LMCD1: variants seen among roughly 807,000 people sequenced by gnomAD.
LMCD1 encodes LIM and cysteine rich domains 1, also known as LIM and cysteine-rich domains protein 1.
Under a neutral mutation model 42.7 loss-of-function variants are expected in LMCD1, and 32 were observed. The observed-to-expected ratio is 0.75, with a 90% confidence interval of 0.57 to 1.01. The LOEUF is 1.01. Ranked by LOEUF, LMCD1 falls within the 50% of genes least tolerant of loss-of-function variation. LMCD1 has a pLI of 0.00. For missense variants in LMCD1, 458 were observed against 483.1 expected, an observed-to-expected ratio of 0.95 and a Z score of 0.49; for synonymous variants, 178 against 184.9, an observed-to-expected ratio of 0.96 and a Z score of 0.30.
At chr3:8,519,393 G>GA (rs1694158275) in intron 1 of LMCD1, among the ~76,000 whole-genome samples, 1 of 152,170 alleles carries the variant, frequency 6.6e-6, no homozygotes, top group African/African-American at 2.4e-5. Flanking sequence ...GAATAATTCT[G>GA]AATGTACTCA....
intron 1 of LMCD1, among the ~76,000 whole-genome samples, chr3:8,508,566 G>C (rs1693929362): frequency 6.6e-6 from 1 of 152,178 alleles, no homozygotes; most frequent in African/African-American, 2.4e-5. Context: ...TTGTCTAAAA[G>C]AGCTGAGCAG....
In LMCD1 at chr3:8,567,344, A is replaced by T; in HGVS notation, c.940-96A>T. The T allele has an allele frequency of 6.4e-6, 8 of 1,243,242 alleles. No individual in the cohort carries two copies. In the South Asian group the frequency reaches 7.9e-5, roughly 12 times the overall value. 77.0% of individuals were successfully genotyped at this position (1,243,242 alleles called of 1,614,324 possible). On this transcript the variant is annotated intron_variant, in intron 5 of 5. Coordinates refer to ENST00000157600, the MANE Select transcript of LMCD1 (RefSeq NM_014583.4). ...TTTAAAAGGTCAAAACAAGAATAGG[A>T]TGGGATGAACCACCACCCTATAACT...
At position 8,565,463 on chromosome 3, in the gene LMCD1, C is replaced by A. The variant is rs763754435; in HGVS notation, c.755C>A (p.Pro252His). The A allele has an allele frequency of 4.3e-6, 7 of 1,614,208 alleles. No individual in the cohort carries two copies. In the East Asian group the frequency reaches 1.6e-4, roughly 36 times the overall value. Residue 252 changes from proline to histidine, a missense_variant, in exon 5 of 6, where the codon CCT becomes CAT. Pro to His is a moderately conservative substitution (Grantham distance 77). Transcript: ENST00000157600. ...VCELCKGAAP[P>H]DSPVVYSDRA... ...GAGCTCTGCAAGGGAGCGGCCCCTC[C>A]TGACAGCCCCGTGGTCTACTCGGAC...
chr3:8,530,064 C>T (rs1440341937), intron 1 of LMCD1, among the ~76,000 whole-genome samples: 1 of 152,192 alleles, frequency 6.6e-6, no homozygotes, highest in Admixed American at 6.5e-5. Context: ...GGTCTCCAAA[C>T]CCGAAACAGT....
intron 4 of LMCD1, among the ~76,000 whole-genome samples, chr3:8,560,704 T>C (rs1262181099): frequency 3.9e-5 from 6 of 152,200 alleles, no homozygotes; most frequent in Non-Finnish European, 8.8e-5. Context: ...TGAAAATAAG[T>C]AGATGATGAC....
intron 3 of LMCD1, 101 bp downstream of exon 3, chr3:8,537,541 A>C: frequency 7.5e-7 from 1 of 1,335,702 alleles, no homozygotes; most frequent in Non-Finnish European, 1.0e-6. Context: ...CAAGAGCTCA[A>C]GGTCACAAAA....
intron 1 of LMCD1, among the ~76,000 whole-genome samples, chr3:8,504,938 T>A (rs1693847684): frequency 6.6e-6 from 1 of 152,240 alleles, no homozygotes; most frequent in South Asian, 2.1e-4. Context: ...GCTCCCCCAC[T>A]TACTAGCTGT....
chr3:8,535,375 G>A (rs773605427), intron 2 of LMCD1, among the ~76,000 whole-genome samples: 8 of 152,050 alleles, frequency 5.3e-5, no homozygotes, highest in African/African-American at 9.7e-5. Flanking sequence ...CACCCTGAGG[G>A]TCATTTTCTC....
chr3:8,543,677 C>A (rs1694680005), intron 3 of LMCD1, among the ~76,000 whole-genome samples: 1 of 152,176 alleles, frequency 6.6e-6, no homozygotes, highest in African/African-American at 2.4e-5. Flanking sequence ...GAGATGAGGT[C>A]TCTCTGTTTC....
Position 8,532,767 on chromosome 3 carries a change from G to C in LMCD1, c.73G>C (p.Gly25Arg). The C allele has an allele frequency of 6.2e-7, 1 of 1,613,654 alleles. No individual in the cohort carries two copies. Residue 25 changes from glycine (G) to arginine (R), a missense_variant, in exon 2 of 6, where the codon GGT becomes CGT. Coordinates refer to ENST00000157600, the MANE Select transcript of LMCD1 (RefSeq NM_014583.4). Reference sequence around the variant, plus strand: ...CCTGGGCCAGCTGCAGTCAGCAAGAGGTGTGGCATGTTTGGGATGCAAGGG... The same window carrying C: ...CCTGGGCCAGCTGCAGTCAGCAAGACGTGTGGCATGTTTGGGATGCAAGGG... Reference protein sequence around the residue: ...MSLGQLQSARGVACLGCKGTC... With the variant: ...MSLGQLQSARRVACLGCKGTC...
chr3:8,528,246 T>C (rs770916795), intron 1 of LMCD1, among the ~76,000 whole-genome samples: 2 of 152,162 alleles, frequency 1.3e-5, no homozygotes, highest in East Asian at 1.9e-4. Context: ...TGGAGTGCAG[T>C]GGCGTGGTCA....
chr3:8,502,406 A>AATATATATTATATATAAAAT (rs1693775829), intron 1 of LMCD1, among the ~76,000 whole-genome samples: 1 of 80,248 alleles, frequency 1.2e-5, no homozygotes, highest in African/African-American at 4.7e-5. Flanking sequence ...AAATATATAT[A>AATATATATTATATATAAAAT]ATATATAATA....
At chr3:8,549,902 T>G (rs1694810007) in intron 4 of LMCD1, 1 of 774,988 alleles carries the variant, frequency 1.3e-6, no homozygotes, top group African/African-American at 1.7e-5. Flanking sequence ...TGATAACCCA[T>G]TAATCTATTA....
At chr3:8,564,690 G>A (rs1695097184) in intron 4 of LMCD1, among the ~76,000 whole-genome samples, 2 of 152,210 alleles carry the variant, frequency 1.3e-5, no homozygotes, top group Non-Finnish European at 2.9e-5. Context: ...GTTCACTGAT[G>A]TGCTTTCAGA....
At chr3:8,560,213 A>G (rs1695008038) in intron 4 of LMCD1, among the ~76,000 whole-genome samples, 1 of 137,896 alleles carries the variant, frequency 7.3e-6, no homozygotes, top group Non-Finnish European at 1.6e-5. Context: ...CAGTCTGCGT[A>G]ACATAGTGGG....
intron 1 of LMCD1, among the ~76,000 whole-genome samples, chr3:8,531,596 C>G (rs1029067314): frequency 6.6e-6 from 1 of 152,154 alleles, no homozygotes; most frequent in African/African-American, 2.4e-5. Flanking sequence ...CCAAGTCTCT[C>G]AGACTCCAAA....
chr3:8,566,238 T>G (rs149949132), intron 5 of LMCD1, among the ~76,000 whole-genome samples: 1 of 152,306 alleles, frequency 6.6e-6, no homozygotes, highest in East Asian at 1.9e-4. Flanking sequence ...TGAAAGAGAT[T>G]CAAGTCTCTG....
chr3:8,549,851 C>T lies in LMCD1; in HGVS notation c.723+948C>T, dbSNP rs542138398. The T allele has an allele frequency of 3.9e-4, 276 of 712,816 alleles. No individual in the cohort carries two copies. The African/African-American group carries it at 4.5e-3, about 12-fold the overall frequency. 44.2% of individuals were successfully genotyped at this position (712,816 alleles called of 1,614,324 possible). ...GGCAAGGGGGCTGGGTGTGCTAACT[C>T]GGGTCTCTCTTCCTCTTCTTAGAAG... On this transcript the variant is annotated intron_variant, in intron 4 of 5. Coordinates refer to ENST00000157600, the MANE Select transcript of LMCD1 (RefSeq NM_014583.4).
intron 1 of LMCD1, among the ~76,000 whole-genome samples, chr3:8,529,351 A>G (rs1163468039): frequency 2.0e-5 from 3 of 152,068 alleles, no homozygotes; most frequent in Non-Finnish European, 4.4e-5. Flanking sequence ...AAGGCCATTT[A>G]TTTTTCTCTC....
Sources: gnomAD v4.1 joint callset for allele counts (sites outside exome capture counted in the v4.1 genomes callset) on GRCh38, gnomAD v4.1.1 for gene constraint, MANE v1.5 for transcripts, NCBI Gene and HGNC (gene_info 2026-07-23, HGNC 2026-07-21) for gene names.